EPB41L4A: variants seen among roughly 807,000 people sequenced by gnomAD.
EPB41L4A encodes the protein erythrocyte membrane protein band 4.1 like 4A.
EPB41L4A carries 100 observed loss-of-function variants against 108.6 expected under a neutral mutation model. That is an observed-to-expected ratio of 0.92 (90% CI 0.78 to 1.09). EPB41L4A has a LOEUF of 1.09. Among genes scored for constraint, EPB41L4A ranks in the 50% least tolerant of loss-of-function variants. The probability of loss-of-function intolerance (pLI) is 0.00; values close to 1 mark genes in which losing one functional copy is unlikely to be tolerated. For synonymous variants in EPB41L4A, 319 were observed against 289.0 expected (o/e 1.10, Z -1.05); for missense variants, 1,030 against 842.7 (o/e 1.22, Z -2.75).
intron 6 of EPB41L4A, chr5:112,263,292 CA>C (rs1341913314): frequency 6.6e-6 from 1 of 152,030 alleles, no homozygotes; most frequent in Non-Finnish European, 1.5e-5. Flanking sequence ...AATAGATAAC[CA>C]AAGGAGGTCA....
chr5:112,259,727 CAT>C (rs1751359774), intron 8 of EPB41L4A, among the ~76,000 whole-genome samples, 162 bp downstream of exon 8: 1 of 152,184 alleles, frequency 6.6e-6, no homozygotes, highest in South Asian at 2.1e-4. Flanking sequence ...ACAGAGAAAA[CAT>C]ATGCTGAGGT....
chr5:112,187,936 T>C (rs1052058059), intron 17 of EPB41L4A, among the ~76,000 whole-genome samples: 1 of 152,236 alleles, frequency 6.6e-6, no homozygotes, highest in Non-Finnish European at 1.5e-5. Flanking sequence ...GACAAACTGC[T>C]TATCTTTTTT....
chr5:112,316,512 T>C (rs1401196035), intron 1 of EPB41L4A, among the ~76,000 whole-genome samples: 4 of 152,086 alleles, frequency 2.6e-5, no homozygotes, highest in African/African-American at 4.8e-5. Flanking sequence ...TTCACCCCCA[T>C]TGTCTGGCCC....
intron 1 of EPB41L4A, among the ~76,000 whole-genome samples, chr5:112,339,534 A>T (rs1242814829): frequency 8.8e-6 from 1 of 113,142 alleles, no homozygotes; most frequent in African/African-American, 3.9e-5. Context: ...ATATCTATAT[A>T]TATATATATT....
intron 12 of EPB41L4A, among the ~76,000 whole-genome samples, chr5:112,227,026 G>C (rs1313735800): frequency 6.7e-6 from 1 of 148,966 alleles, no homozygotes; most frequent in African/African-American, 2.5e-5. Flanking sequence ...CTGAAGAGTA[G>C]AAACATAGTA....
At chr5:112,244,403 C>T (rs187558280) in intron 9 of EPB41L4A, among the ~76,000 whole-genome samples, 59 of 152,116 alleles carry the variant, frequency 3.9e-4, no homozygotes, top group African/African-American at 1.3e-3. Flanking sequence ...TTCATTGTCA[C>T]GCATTGAGAA....
At chr5:112,375,177 A>T (rs1271090563) in intron 1 of EPB41L4A, among the ~76,000 whole-genome samples, 1 of 152,134 alleles carries the variant, frequency 6.6e-6, no homozygotes, top group Non-Finnish European at 1.5e-5. Context: ...GATCCAAAAG[A>T]AACACTACGG....
At chr5:112,194,840 G>C (rs1187284617) in intron 16 of EPB41L4A, among the ~76,000 whole-genome samples, 195 bp from the exon 17 acceptor site, 1 of 152,174 alleles carries the variant, frequency 6.6e-6, no homozygotes, top group Non-Finnish European at 1.5e-5. Flanking sequence ...CTATAGCTCA[G>C]GGAAATGGCA....
chr5:112,182,998 C>G (rs1761234557), intron 18 of EPB41L4A, among the ~76,000 whole-genome samples: 1 of 152,114 alleles, frequency 6.6e-6, no homozygotes, highest in African/African-American at 2.4e-5. Context: ...TGATGCATTA[C>G]TGATAAAATA....
intron 4 of EPB41L4A, among the ~76,000 whole-genome samples, chr5:112,272,863 T>G (rs903164220): frequency 7.0e-6 from 1 of 142,554 alleles, no homozygotes; most frequent in African/African-American, 2.6e-5. Flanking sequence ...TCAAAAAAAA[T>G]ACATAAAAGA....
At chr5:112,279,293 A>G (rs1303245731) in intron 3 of EPB41L4A, among the ~76,000 whole-genome samples, 1 of 152,144 alleles carries the variant, frequency 6.6e-6, no homozygotes, top group Non-Finnish European at 1.5e-5. Flanking sequence ...GCAGAGCTAC[A>G]TTCCTGCCCT....
At chr5:112,240,687 A>G (rs749636047) in intron 10 of EPB41L4A, 32 bp downstream of exon 10, 60 of 1,235,688 alleles carry the variant, frequency 4.9e-5, no homozygotes, top group Non-Finnish European at 6.7e-5. Context: ...TCATTTATTA[A>G]GACAACAAAC....
chr5:112,213,653 C>T (rs1382913415), intron 12 of EPB41L4A, among the ~76,000 whole-genome samples: 2 of 152,082 alleles, frequency 1.3e-5, no homozygotes, highest in African/African-American at 4.8e-5. Flanking sequence ...CAAACCCAGC[C>T]AACATGTACA....
intron 15 of EPB41L4A, among the ~76,000 whole-genome samples, chr5:112,203,046 T>C (rs1337628723): frequency 6.6e-6 from 1 of 151,998 alleles, no homozygotes; most frequent in Non-Finnish European, 1.5e-5. Context: ...ATCTCTACTT[T>C]AATTTATACA....
chr5:112,401,717 G>T (rs1365839928), intron 1 of EPB41L4A, among the ~76,000 whole-genome samples: 1 of 152,140 alleles, frequency 6.6e-6, no homozygotes, highest in Non-Finnish European at 1.5e-5. Context: ...AAATGCAGCT[G>T]AATTGACCCA....
At chr5:112,339,133 G>A (rs930775617) in intron 1 of EPB41L4A, among the ~76,000 whole-genome samples, 6 of 152,264 alleles carry the variant, frequency 3.9e-5, no homozygotes, top group Non-Finnish European at 8.8e-5. Context: ...GAAGAGAGCA[G>A]GAATTGCACA....
intron 9 of EPB41L4A, among the ~76,000 whole-genome samples, chr5:112,243,957 C>T (rs1750011440): frequency 6.6e-6 from 1 of 152,186 alleles, no homozygotes; most frequent in Non-Finnish European, 1.5e-5. Context: ...AGTAGCTCTC[C>T]AAATTTCCTT....
At chr5:112,329,923 AGGC>A (rs1756444286) in intron 1 of EPB41L4A, among the ~76,000 whole-genome samples, 1 of 152,182 alleles carries the variant, frequency 6.6e-6, no homozygotes, top group South Asian at 2.1e-4. Context: ...GGTCTCCACA[AGGC>A]TATGTGACTG....
At chr5:112,302,146 G>C (rs1237000943) in intron 2 of EPB41L4A, among the ~76,000 whole-genome samples, 1 of 151,982 alleles carries the variant, frequency 6.6e-6, no homozygotes, top group African/African-American at 2.4e-5. Context: ...CAAAGATCTG[G>C]ATCTACTAAA....
Sources: allele counts gnomAD v4.1 joint callset (sites outside exome capture counted in the v4.1 genomes callset), GRCh38; gene constraint gnomAD v4.1.1; transcripts MANE v1.5; gene names NCBI Gene and HGNC (gene_info 2026-07-23, HGNC 2026-07-21).